The following PTPRK variants were observed in gnomAD, a reference collection of about 807,000 sequenced individuals.
PTPRK encodes the protein protein tyrosine phosphatase receptor type K, also known as receptor-type tyrosine-protein phosphatase kappa.
Under a neutral mutation model 178.0 loss-of-function variants are expected in PTPRK, and 75 were observed. The ratio of observed to expected loss-of-function variants is 0.42; its 90% CI spans 0.35 to 0.51. PTPRK has a LOEUF of 0.51. Among genes scored for constraint, PTPRK ranks in the 20% least tolerant of loss-of-function variants. The pLI is 0.02. For missense variants in PTPRK, 1,441 were observed against 1,797.8 expected, an observed-to-expected ratio of 0.80 and a Z score of 3.59; for synonymous variants, 637 against 620.6, an observed-to-expected ratio of 1.03 and a Z score of -0.39.
At chr6:128,001,709 G>A (rs948211194) in intron 15 of PTPRK, among the ~76,000 whole-genome samples, 15 of 151,760 alleles carry the variant, frequency 9.9e-5, no homozygotes, top group African/African-American at 3.6e-4. Flanking sequence ...TTTATAGATG[G>A]GAAAACAAAG....
At chr6:128,499,391 T>G (rs927624264) in intron 1 of PTPRK, among the ~76,000 whole-genome samples, 6 of 152,266 alleles carry the variant, frequency 3.9e-5, no homozygotes, top group Non-Finnish European at 8.8e-5. Context: ...AACTTACATA[T>G]GTGTAGCTCA....
At chr6:128,502,705 A>G (rs1288675990) in intron 1 of PTPRK, among the ~76,000 whole-genome samples, 1 of 152,214 alleles carries the variant, frequency 6.6e-6, no homozygotes, top group Non-Finnish European at 1.5e-5. Context: ...AGCTAAATAA[A>G]TTATATTAAA....
chr6:128,116,160 A>G (rs141162067), intron 7 of PTPRK, among the ~76,000 whole-genome samples: 2 of 152,230 alleles, frequency 1.3e-5, no homozygotes, highest in East Asian at 1.9e-4. Context: ...CCTTTTATTT[A>G]CAATGTCAGT....
chr6:128,144,532 G>C (rs937165399), intron 7 of PTPRK, among the ~76,000 whole-genome samples: 2 of 152,110 alleles, frequency 1.3e-5, no homozygotes, highest in Admixed American at 1.3e-4. Flanking sequence ...TCACCTCAGA[G>C]AGGACTGATG....
chr6:128,222,423 C>T (rs915621463), intron 5 of PTPRK, among the ~76,000 whole-genome samples: 3 of 152,134 alleles, frequency 2.0e-5, no homozygotes, highest in Non-Finnish European at 2.9e-5. Flanking sequence ...GCAGGGTGCC[C>T]ACATATCATT....
chr6:128,397,634 T>A lies in PTPRK; in HGVS notation c.155A>T (p.Tyr52Phe). The A allele has an allele frequency of 6.2e-7, 1 of 1,613,734 alleles. No homozygotes were observed. Among genetic ancestry groups the A allele is most frequent in the Non-Finnish European group, 8.5e-7 (1 of 1,179,680 alleles). The change falls in exon 2 of 30, where the codon TAT (tyrosine) becomes TTT (phenylalanine). Residue 52 changes from tyrosine to phenylalanine, a missense_variant. Around this residue, in one of 4 missense-constraint regions of PTPRK, gnomAD observed 158 missense variants for 188.0 expected, o/e 0.84. Coordinates refer to ENST00000368226, the MANE Select transcript of PTPRK (RefSeq NM_002844.4). ...PGACDYHQDL[Y>F]DDFEWVHVSA... ...AACATGCACCCATTCAAAGTCATCA[T>A]ACAGATCCTGGTGGTAATCACAGGC...
chr6:128,057,010 T>A (rs1780019335), intron 13 of PTPRK, among the ~76,000 whole-genome samples: 1 of 152,204 alleles, frequency 6.6e-6, no homozygotes, highest in South Asian at 2.1e-4. Flanking sequence ...TAGGCCCATA[T>A]TCTCTACTTA....
chr6:128,370,416 T>C (rs1271772529), intron 2 of PTPRK, among the ~76,000 whole-genome samples: 1 of 152,136 alleles, frequency 6.6e-6, no homozygotes, highest in Non-Finnish European at 1.5e-5. Flanking sequence ...GCCCCTGATA[T>C]ACATTTTTTC....
chr6:127,992,971 ATTT>A (rs1449665956), intron 18 of PTPRK, among the ~76,000 whole-genome samples: 1 of 151,766 alleles, frequency 6.6e-6, no homozygotes. Context: ...AACCTCATAG[ATTT>A]TGTTTGGTTT....
intron 10 of PTPRK, 89 bp from the exon 11 acceptor site, chr6:128,079,007 A>T (rs980444365): frequency 1.3e-6 from 1 of 757,292 alleles, no homozygotes; most frequent in Admixed American, 2.5e-5. Flanking sequence ...TTAAGTTAGG[A>T]AAAAAAAATT....
At chr6:128,478,172 G>A (rs567947519) in intron 1 of PTPRK, among the ~76,000 whole-genome samples, 1 of 152,214 alleles carries the variant, frequency 6.6e-6, no homozygotes, top group East Asian at 1.9e-4. Flanking sequence ...AGATCAAAGA[G>A]TTTAAAAATT....
intron 3 of PTPRK, among the ~76,000 whole-genome samples, chr6:128,291,480 T>A (rs1823374683): frequency 6.6e-6 from 1 of 152,138 alleles, no homozygotes; most frequent in African/African-American, 2.4e-5. Flanking sequence ...ATACTATAAG[T>A]TACGTGTCCA....
At chr6:128,271,381 C>G (rs1180747347) in intron 3 of PTPRK, among the ~76,000 whole-genome samples, 1 of 152,008 alleles carries the variant, frequency 6.6e-6, no homozygotes, top group Non-Finnish European at 1.5e-5. Context: ...CATGGTCCTC[C>G]TTGGTTCTTA....
chr6:128,097,222 C>T (rs1788063871), intron 7 of PTPRK, among the ~76,000 whole-genome samples: 2 of 152,214 alleles, frequency 1.3e-5, no homozygotes, highest in South Asian at 4.1e-4. Flanking sequence ...GCTGAAATGA[C>T]ATGCTTGGAC....
chr6:128,087,721 ATAAATAAGTCT>A (rs1251978945), intron 8 of PTPRK, among the ~76,000 whole-genome samples: 1 of 152,186 alleles, frequency 6.6e-6, no homozygotes, highest in Non-Finnish European at 1.5e-5. Context: ...CACATTCATC[ATAAATAAGTCT>A]TAAATAAGTC....
chr6:128,356,295 T>A (rs892356845), intron 2 of PTPRK, among the ~76,000 whole-genome samples: 2 of 152,176 alleles, frequency 1.3e-5, no homozygotes, highest in Non-Finnish European at 2.9e-5. Context: ...ATCTACTCTT[T>A]CTCCTTTCTT....
intron 1 of PTPRK, among the ~76,000 whole-genome samples, chr6:128,476,113 C>T (rs1353946002): frequency 1.3e-5 from 2 of 151,936 alleles, no homozygotes; most frequent in African/African-American, 4.8e-5. Context: ...TACAGATTTA[C>T]TTCTGTCACC....
intron 3 of PTPRK, among the ~76,000 whole-genome samples, chr6:128,267,238 AT>A (rs1380121307): frequency 6.6e-6 from 1 of 151,992 alleles, no homozygotes; most frequent in Admixed American, 6.6e-5. Flanking sequence ...AATGTAACTC[AT>A]TTTTTCAACC....
intron 3 of PTPRK, among the ~76,000 whole-genome samples, chr6:128,306,240 C>T (rs1018682050): frequency 5.3e-5 from 8 of 152,154 alleles, no homozygotes; most frequent in African/African-American, 1.9e-4. Flanking sequence ...TCAACAAAAA[C>T]ATTCAAGAAG....
Sources: allele counts gnomAD v4.1 joint callset (sites outside exome capture counted in the v4.1 genomes callset), GRCh38; gene constraint gnomAD v4.1.1; regional missense constraint gnomAD v4.1.1; transcripts MANE v1.5; gene names NCBI Gene and HGNC (gene_info 2026-07-23, HGNC 2026-07-21).